ADGRB3: variants seen among roughly 807,000 people sequenced by gnomAD.
ADGRB3 encodes brain-specific angiogenesis inhibitor 3.
In ADGRB3, 37 loss-of-function variants were observed where a neutral mutation model predicts 193.4. That is an observed-to-expected ratio of 0.19 (90% CI 0.15 to 0.25). The LOEUF (loss-of-function observed/expected upper bound fraction) is 0.25. ADGRB3 is among the 10% of genes least tolerant of loss of function. The pLI is 1.00. For missense variants in ADGRB3, 1,637 were observed against 1,852.9 expected (o/e 0.88, Z 2.14); for synonymous variants, 690 against 644.2 (o/e 1.07, Z -1.08).
Position 68,993,867 on chromosome 6 carries a change from T to A in ADGRB3, c.1834T>A (p.Tyr612Asn). Residue 612 changes from tyrosine to asparagine, a missense_variant, in exon 11 of 32, where the codon TAT (tyrosine) becomes AAT (asparagine). Coordinates refer to ENST00000370598, the MANE Select transcript of ADGRB3 (RefSeq NM_001704.3). ...GGATTTAACTCAGAGAAAAAATTTCTATGCAGGCGATCTTCTGATGTCTGT... is the reference window on the plus strand; with the variant it reads ...GGATTTAACTCAGAGAAAAAATTTCAATGCAGGCGATCTTCTGATGTCTGT... ...LLDLTQRKNF[Y>N]AGDLLMSVEI... 6.2e-7 allele frequency: 1 copy of A among 1,614,024 alleles called. No individual in the cohort carries two copies. Among genetic ancestry groups the A allele is most frequent in the Non-Finnish European group, 8.5e-7 (1 of 1,179,906 alleles).
intron 3 of ADGRB3, among the ~76,000 whole-genome samples, chr6:68,693,787 G>C (rs1765115431): frequency 6.6e-6 from 1 of 151,956 alleles, no homozygotes; most frequent in African/African-American, 2.4e-5. Flanking sequence ...ATGTAGTGAA[G>C]AAAACTTTGC....
intron 3 of ADGRB3, among the ~76,000 whole-genome samples, chr6:68,772,165 G>C (rs1021814858): frequency 6.6e-6 from 1 of 152,004 alleles, no homozygotes; most frequent in African/African-American, 2.4e-5. Context: ...AAATGGAGAA[G>C]ACTGCTGTGA....
intron 20 of ADGRB3, among the ~76,000 whole-genome samples, chr6:69,243,787 GCCAACTGA>G (rs1356222815): frequency 6.6e-6 from 1 of 151,862 alleles, no homozygotes; most frequent in Non-Finnish European, 1.5e-5. Flanking sequence ...TAGATATAAA[GCCAACTGA>G]CCAACTAGTC....
At chr6:68,694,544 A>G (rs1220324812) in intron 3 of ADGRB3, among the ~76,000 whole-genome samples, 1 of 151,916 alleles carries the variant, frequency 6.6e-6, no homozygotes, top group Non-Finnish European at 1.5e-5. Flanking sequence ...GACTACACAC[A>G]CAGATGTCTG....
chr6:68,937,378 A>C (rs1767512555), intron 5 of ADGRB3, among the ~76,000 whole-genome samples: 1 of 152,212 alleles, frequency 6.6e-6, no homozygotes, highest in African/African-American at 2.4e-5. Context: ...CCCAGACTAC[A>C]GACTTTCATG....
intron 3 of ADGRB3, among the ~76,000 whole-genome samples, chr6:68,671,648 T>A (rs533523520): frequency 6.6e-6 from 1 of 152,238 alleles, no homozygotes; most frequent in East Asian, 1.9e-4. Flanking sequence ...TATTGTTGAA[T>A]TTGATTTGCT....
At chr6:68,868,623 A>T (rs1451940228) in intron 3 of ADGRB3, among the ~76,000 whole-genome samples, 1 of 152,198 alleles carries the variant, frequency 6.6e-6, no homozygotes, top group African/African-American at 2.4e-5. Context: ...TGCTCCCAAA[A>T]TACCTATTTT....
At chr6:69,118,108 A>G (rs1314510844) in intron 17 of ADGRB3, among the ~76,000 whole-genome samples, 2 of 152,210 alleles carry the variant, frequency 1.3e-5, no homozygotes, top group Non-Finnish European at 2.9e-5. Context: ...GTATGGCCCT[A>G]TTATCAATCA....
chr6:69,116,564 G>T (rs1185167407), intron 17 of ADGRB3, among the ~76,000 whole-genome samples: 1 of 152,068 alleles, frequency 6.6e-6, no homozygotes, highest in Non-Finnish European at 1.5e-5. Context: ...GGAGGGATCA[G>T]GAAAAATAAG....
intron 3 of ADGRB3, among the ~76,000 whole-genome samples, chr6:68,865,381 G>A (rs938578330): frequency 6.6e-6 from 1 of 152,098 alleles, no homozygotes; most frequent in Non-Finnish European, 1.5e-5. Flanking sequence ...ATAAGGGAAG[G>A]GAAGGATCTG....
intron 6 of ADGRB3, among the ~76,000 whole-genome samples, chr6:68,954,721 C>T (rs1414723077): frequency 1.3e-5 from 2 of 151,598 alleles, no homozygotes; most frequent in Admixed American, 6.6e-5. Context: ...GCTCTGTCCC[C>T]CAGGCTGGAG....
chr6:69,042,774 A>C (rs1771109918), intron 13 of ADGRB3, among the ~76,000 whole-genome samples: 1 of 152,224 alleles, frequency 6.6e-6, no homozygotes, highest in Non-Finnish European at 1.5e-5. Flanking sequence ...ACTATTGATG[A>C]GACAAGGTTC....
intron 30 of ADGRB3, among the ~76,000 whole-genome samples, chr6:69,379,659 A>G (rs1187003491): frequency 6.6e-6 from 1 of 151,962 alleles, no homozygotes; most frequent in African/African-American, 2.4e-5. Flanking sequence ...ATGAACAAGA[A>G]GAAATCATGC....
At chr6:68,772,883 A>AAAAC (rs1491456241) in intron 3 of ADGRB3, among the ~76,000 whole-genome samples, 7 of 10,662 alleles carry the variant, frequency 6.6e-4, no homozygotes, top group African/African-American at 2.4e-3. Context: ...ACAAACAAAC[A>AAAAC]AAAAAAAAAA....
At chr6:68,695,851 G>T (rs1057398292) in intron 3 of ADGRB3, among the ~76,000 whole-genome samples, 2 of 151,878 alleles carry the variant, frequency 1.3e-5, no homozygotes, top group Non-Finnish European at 2.9e-5. Flanking sequence ...CAGTGCTTTT[G>T]ACCCTACAGA....
At chr6:68,974,415 T>C (rs1247074124) in intron 8 of ADGRB3, among the ~76,000 whole-genome samples, 3 of 152,142 alleles carry the variant, frequency 2.0e-5, no homozygotes, top group Non-Finnish European at 4.4e-5. Flanking sequence ...CCTGGCACTT[T>C]GGGAGAAGCT....
At chr6:69,177,325 G>C (rs904265424) in intron 17 of ADGRB3, among the ~76,000 whole-genome samples, 1 of 151,352 alleles carries the variant, frequency 6.6e-6, no homozygotes, top group Admixed American at 6.6e-5. Context: ...TTGGTATGTT[G>C]TGTCTGTTTT....
chr6:69,184,477 A>G (rs1483236163), intron 17 of ADGRB3, among the ~76,000 whole-genome samples: 1 of 152,152 alleles, frequency 6.6e-6, no homozygotes, highest in Non-Finnish European at 1.5e-5. Flanking sequence ...TATCACTAAT[A>G]TGTACATGTA....
intron 12 of ADGRB3, among the ~76,000 whole-genome samples, chr6:69,016,294 C>T (rs1770088230): frequency 6.6e-6 from 1 of 151,908 alleles, no homozygotes; most frequent in Non-Finnish European, 1.5e-5. Context: ...AAAAATCTCT[C>T]CACCAAGGTA....
Sources: allele counts gnomAD v4.1 joint callset (sites outside exome capture counted in the v4.1 genomes callset), GRCh38; gene constraint gnomAD v4.1.1; transcripts MANE v1.5; gene names NCBI Gene and HGNC (gene_info 2026-07-23, HGNC 2026-07-21).